ARHGAP36: variants seen among roughly 807,000 people sequenced by gnomAD.
ARHGAP36 encodes rho GTPase-activating protein 36.
In ARHGAP36, 7 loss-of-function variants were observed where a neutral mutation model predicts 32.9. The observed-to-expected ratio is 0.21, with a 90% CI of 0.12 to 0.40. The LOEUF is 0.40. ARHGAP36 is among the 10% of genes least tolerant of loss of function. ARHGAP36 has a pLI of 1.00. For missense variants in ARHGAP36, 383 were observed against 442.2 expected, an observed-to-expected ratio of 0.87 and a Z score of 1.20; for synonymous variants, 165 against 168.3, an observed-to-expected ratio of 0.98 and a Z score of 0.15.
At position 131,088,912 on chromosome X, in the gene ARHGAP36, C is replaced by A; in HGVS notation, c.*127C>A. 1 of 962,060 alleles carries A rather than the reference C, an allele frequency of 1.0e-6. No homozygotes were observed. The highest frequency in any genetic ancestry group is 1.4e-6 in the Non-Finnish European group (1 of 722,994). The allele number at this position is 962,060 out of a possible 1,213,427, so 79.3% of individuals were successfully genotyped here. ...AGGTAAGAAGGAGTTCCACCTGATG[C>A]TCGGGTCAGGATGAGAATTCCAAAC... On this transcript the variant is annotated 3_prime_UTR_variant, in exon 12 of 12. Coordinates refer to ENST00000276211, the MANE Select transcript of ARHGAP36 (RefSeq NM_144967.4).
At position 131,088,922 on chromosome X, in the gene ARHGAP36, G is replaced by A. The variant is rs186817965; in HGVS notation, c.*137G>A. 2.1e-5 allele frequency: 19 copies of A among 906,720 alleles called. No individual in the cohort carries two copies. The African/African-American group carries it at 3.0e-4, about 14-fold the overall frequency. The allele number at this position is 906,720 out of a possible 1,213,427, so 74.7% of individuals were successfully genotyped here. ...GAGTTCCACCTGATGCTCGGGTCAG[G>A]ATGAGAATTCCAAACACACTGCCAG... On this transcript the variant is annotated 3_prime_UTR_variant, in exon 12 of 12. Transcript: ENST00000276211.
intron 1 of ARHGAP36, among the ~76,000 whole-genome samples, chrX:131,069,501 G>A: frequency 9.0e-6 from 1 of 110,905 alleles, no homozygotes; most frequent in Non-Finnish European, 1.9e-5. Context: ...ACATACAGAG[G>A]ATGTCCATTC....
At chrX:131,063,507 A>C (rs2079680453) in intron 1 of ARHGAP36, among the ~76,000 whole-genome samples, 2 of 111,510 alleles carry the variant, frequency 1.8e-5, no homozygotes, top group Admixed American at 9.5e-5. Flanking sequence ...TTAAATCCTC[A>C]GAGGGACTCA....
At position 131,058,441 on chromosome X, in the gene ARHGAP36, C is replaced by T. The variant is rs777022093; in HGVS notation, c.-146C>T. On this transcript the variant is annotated 5_prime_UTR_variant, in exon 1 of 12. Coordinates refer to ENST00000276211, the MANE Select transcript of ARHGAP36 (RefSeq NM_144967.4). The stretch of plus-strand genomic sequence containing the variant: ...CTCGGCCTTTGAGCCCCGCCCCCGC[C>T]GTGGTGAGTGGGGCCCACCGAGTCG... 8.4e-6 allele frequency: 9 copies of T among 1,070,218 alleles called. No individual in the cohort carries two copies. Among genetic ancestry groups the T allele is most frequent in the Middle Eastern group, 2.6e-4 (1 of 3,907 alleles). 88.2% of individuals were successfully genotyped at this position (1,070,218 alleles called of 1,213,427 possible).
intron 1 of ARHGAP36, chrX:131,078,657 C>A: frequency 7.8e-5 from 45 of 576,371 alleles, no homozygotes; most frequent in Non-Finnish European, 1.1e-4. Context: ...CATTCCCCCT[C>A]CCCACCCCAC....
At chrX:131,065,399 T>C (rs2079693164) in intron 1 of ARHGAP36, among the ~76,000 whole-genome samples, 1 of 111,430 alleles carries the variant, frequency 9.0e-6, no homozygotes, top group Non-Finnish European at 1.9e-5. Flanking sequence ...GTGTGTGTGC[T>C]GGTGTTGAGA....
intron 1 of ARHGAP36, among the ~76,000 whole-genome samples, chrX:131,074,318 G>A (rs1321952178): frequency 2.1e-5 from 2 of 96,299 alleles, no homozygotes; most frequent in Non-Finnish European, 4.3e-5. Flanking sequence ...CATCGAAGAA[G>A]GGAATTTTGT....
At chrX:131,083,099 G>A in intron 2 of ARHGAP36, 66 bp from the exon 3 acceptor site, 1 of 1,075,665 alleles carries the variant, frequency 9.3e-7, no homozygotes, top group South Asian at 2.0e-5. Flanking sequence ...TCAGGGCATT[G>A]GGATGTTTTA....
intron 1 of ARHGAP36, among the ~76,000 whole-genome samples, chrX:131,070,631 A>G (rs767575118): frequency 1.8e-5 from 2 of 111,620 alleles, no homozygotes; most frequent in African/African-American, 6.5e-5. Context: ...GGTAAGTGCT[A>G]GGTACTTCAC....
At chrX:131,073,639 T>A (rs1479702446) in intron 1 of ARHGAP36, among the ~76,000 whole-genome samples, 3 of 112,551 alleles carry the variant, frequency 2.7e-5, no homozygotes, top group African/African-American at 9.7e-5. Context: ...ACGTGAGAGT[T>A]GTGTCTCTAC....
chrX:131,077,054 C>A (rs1032698472), intron 1 of ARHGAP36, among the ~76,000 whole-genome samples: 1 of 112,266 alleles, frequency 8.9e-6, no homozygotes, highest in African/African-American at 3.2e-5. Context: ...TTGTTCATTG[C>A]ATCAGCAGCC....
At position 131,081,551 on chromosome X, in the gene ARHGAP36, G is replaced by T; in HGVS notation, c.-115G>T. ...AAAACAACCAGAGGCTGCTCTGCTT[G>T]AGGGTGAAGCCGCCTCCCAGTTTTC... On this transcript the variant is annotated 5_prime_UTR_variant, in exon 2 of 12. An upstream open reading frame in the 5' UTR loses its in-frame stop. Coordinates refer to ENST00000276211, the MANE Select transcript of ARHGAP36 (RefSeq NM_144967.4). The T allele has an allele frequency of 6.3e-6, 7 of 1,117,288 alleles. No homozygotes were observed. Among genetic ancestry groups the T allele is most frequent in the East Asian group, 6.3e-5 (2 of 31,896 alleles). 92.1% of individuals were successfully genotyped at this position (1,117,288 alleles called of 1,213,427 possible).
chrX:131,065,438 G>A (rs1451087321), intron 1 of ARHGAP36, among the ~76,000 whole-genome samples: 2 of 111,485 alleles, frequency 1.8e-5, no homozygotes, highest in Non-Finnish European at 3.8e-5. Flanking sequence ...GAGGAAGAGA[G>A]GCCTCACATG....
intron 1 of ARHGAP36, among the ~76,000 whole-genome samples, chrX:131,068,506 C>G (rs1603392790): frequency 8.9e-6 from 1 of 111,864 alleles, no homozygotes; most frequent in Non-Finnish European, 1.9e-5. Flanking sequence ...AGGGAATCAG[C>G]GAGCTGGCGC....
intron 1 of ARHGAP36, among the ~76,000 whole-genome samples, chrX:131,064,635 C>T (rs1396382494): frequency 8.9e-6 from 1 of 111,817 alleles, no homozygotes; most frequent in Admixed American, 9.5e-5. Context: ...GAAACTGAGG[C>T]TCAGAGAGGT....
intron 1 of ARHGAP36, among the ~76,000 whole-genome samples, chrX:131,076,597 T>C (rs2079764021): frequency 1.8e-5 from 2 of 112,702 alleles, no homozygotes; most frequent in Non-Finnish European, 3.7e-5. Flanking sequence ...GGAATCAGGC[T>C]TTGATTATGT....
chrX:131,070,546 G>T (rs1025110992), intron 1 of ARHGAP36, among the ~76,000 whole-genome samples: 2 of 111,490 alleles, frequency 1.8e-5, no homozygotes, highest in East Asian at 2.8e-4. Flanking sequence ...GGAGACTTGG[G>T]TTCCAATCCT....
chrX:131,078,261 C>T (rs1466284214), intron 1 of ARHGAP36, among the ~76,000 whole-genome samples: 1 of 112,039 alleles, frequency 8.9e-6, no homozygotes, highest in Admixed American at 9.5e-5. Flanking sequence ...ATAGAGAAGG[C>T]CACTGAGACT....
At chrX:131,065,859 A>G (rs1481174578) in intron 1 of ARHGAP36, among the ~76,000 whole-genome samples, 1 of 111,642 alleles carries the variant, frequency 9.0e-6, no homozygotes, top group Non-Finnish European at 1.9e-5. Context: ...GGCAATTTAA[A>G]TCGTGCTTCT....
Sources: allele counts gnomAD v4.1 joint callset (sites outside exome capture counted in the v4.1 genomes callset), GRCh38; gene constraint gnomAD v4.1.1; transcripts MANE v1.5; gene names NCBI Gene and HGNC (gene_info 2026-07-23, HGNC 2026-07-21).